The following CWF19L2 variants were observed in gnomAD, a reference collection of about 807,000 sequenced individuals.
CWF19L2 encodes the protein CWF19 like cell cycle control factor 2, also known as CWF19-like protein 2.
Under a neutral mutation model 111.7 loss-of-function variants are expected in CWF19L2, and 98 were observed. The ratio of observed to expected loss-of-function variants is 0.88; its 90% CI spans 0.75 to 1.04. The LOEUF (loss-of-function observed/expected upper bound fraction) is 1.04, where lower values mean the gene tolerates loss of function less well. Among genes scored for constraint, CWF19L2 ranks in the 50% least tolerant of loss-of-function variants. The pLI is 0.00. For missense variants in CWF19L2, 1,101 were observed against 1,051.4 expected (o/e 1.05, Z -0.65); for synonymous variants, 351 against 342.9 (o/e 1.02, Z -0.26).
At chr11:107,343,410 T>C (rs900289763) in intron 14 of CWF19L2, among the ~76,000 whole-genome samples, 1 of 152,148 alleles carries the variant, frequency 6.6e-6, no homozygotes, top group African/African-American at 2.4e-5. Flanking sequence ...GTCTACTTTA[T>C]CTGGCATAAA....
intron 8 of CWF19L2, among the ~76,000 whole-genome samples, chr11:107,421,706 C>T (rs2135402243): frequency 6.6e-6 from 1 of 152,168 alleles, no homozygotes; most frequent in Middle Eastern, 3.4e-3. Context: ...CTGACCATTC[C>T]AAGTTTTTAC....
At chr11:107,339,947 C>T (rs559301066) in intron 14 of CWF19L2, among the ~76,000 whole-genome samples, 44 of 152,048 alleles carry the variant, frequency 2.9e-4, no homozygotes, top group East Asian at 3.9e-4. Flanking sequence ...AGATTACAGG[C>T]GTGAGGCACT....
rs373341277 is a variant in CWF19L2, at chr11:107,351,658, G to T, written c.2085+1866C>A. ...ATAGTAGATTGCATAAAGGCATCCA[G>T]TTATTTACTACTCCATATACTGAAA... On this transcript the variant is annotated intron_variant, in intron 13 of 17. Coordinates refer to ENST00000282251, the MANE Select transcript of CWF19L2 (RefSeq NM_152434.3). Among the ~76,000 whole-genome samples, 3 of 152,154 alleles carry T rather than the reference G, an allele frequency of 2.0e-5. No individual in the cohort carries two copies. The East Asian group carries it at 5.8e-4, about 29-fold the overall frequency.
At chr11:107,381,345 G>A (rs762978712) in intron 12 of CWF19L2, among the ~76,000 whole-genome samples, 1 of 152,108 alleles carries the variant, frequency 6.6e-6, no homozygotes, top group Non-Finnish European at 1.5e-5. Flanking sequence ...TCACCTATAG[G>A]TGAGGTTCAG....
intron 12 of CWF19L2, among the ~76,000 whole-genome samples, chr11:107,373,097 C>A (rs1169440005): frequency 1.4e-5 from 1 of 73,038 alleles, no homozygotes; most frequent in African/African-American, 8.7e-5. Context: ...GAGATTATAT[C>A]CCGCACCTGG....
chr11:107,404,195 G>A, intron 10 of CWF19L2: 1 of 776,638 alleles, frequency 1.3e-6, no homozygotes, highest in South Asian at 1.3e-5. Flanking sequence ...GGGGAATTAT[G>A]ATAGACCTTC....
chr11:107,390,179 T>A lies in CWF19L2; in HGVS notation c.1767A>T (p.Arg589Ser). Residue 589 changes from arginine to serine, a missense_variant, in exon 12 of 18, where the codon AGA becomes AGT. By Grantham distance (110) the Arg-to-Ser change is moderately radical. Coordinates refer to ENST00000282251, the MANE Select transcript of CWF19L2 (RefSeq NM_152434.3). The part of the protein sequence containing the change: ...VSTHEERERV[R>S]YFHDDDNLSL... Reference sequence around the variant, plus strand: ...TTAGATTATCATCATCATGAAAGTATCTGACCCTTTCTCTTTCCTCATGGG... The same window carrying A: ...TTAGATTATCATCATCATGAAAGTAACTGACCCTTTCTCTTTCCTCATGGG... 6.2e-7 allele frequency: 1 copy of A among 1,610,610 alleles called. No homozygotes were observed. Among genetic ancestry groups the A allele is most frequent in the East Asian group, 2.2e-5 (1 of 44,744 alleles).
In CWF19L2 at chr11:107,389,972, A is replaced by T. The variant is rs1030170923; in HGVS notation, c.1872+102T>A. ...ACAAAGGATTTAATTTAATAAAATG[A>T]ATCAAGATTAGAGAGAACCAGATCT... On this transcript the variant is annotated intron_variant, in intron 12 of 17. Coordinates refer to ENST00000282251, the MANE Select transcript of CWF19L2 (RefSeq NM_152434.3). 1.9e-5 allele frequency: 18 copies of T among 968,404 alleles called. No homozygotes were observed. The Admixed American group carries it at 3.8e-4, about 21-fold the overall frequency. 60.0% of individuals were successfully genotyped at this position (968,404 alleles called of 1,614,324 possible). A position where few individuals can be genotyped will look rare whatever the true frequency, so the allele number is the denominator to read the frequency against.
chr11:107,408,516 C>T (rs983289902), intron 10 of CWF19L2, among the ~76,000 whole-genome samples: 1 of 151,926 alleles, frequency 6.6e-6, no homozygotes, highest in African/African-American at 2.4e-5. Context: ...ATTCTGCATG[C>T]TAATACTAGT....
chr11:107,384,383 A>T (rs1860735000), intron 12 of CWF19L2, among the ~76,000 whole-genome samples: 1 of 152,244 alleles, frequency 6.6e-6, no homozygotes, highest in Non-Finnish European at 1.5e-5. Flanking sequence ...TAATACATAT[A>T]GCCTGAAGGT....
At chr11:107,361,525 T>G (rs999252720) in intron 12 of CWF19L2, among the ~76,000 whole-genome samples, 2 of 152,234 alleles carry the variant, frequency 1.3e-5, no homozygotes, top group African/African-American at 2.4e-5. Flanking sequence ...GCTGTTGGTA[T>G]GTTGATAGAG....
intron 14 of CWF19L2, among the ~76,000 whole-genome samples, chr11:107,343,662 C>T (rs1046677976): frequency 2.6e-5 from 4 of 151,326 alleles, no homozygotes; most frequent in Non-Finnish European, 5.9e-5. Flanking sequence ...TCTTGCCTTC[C>T]GATGGTTATT....
At chr11:107,343,304 T>C (rs1442548540) in intron 14 of CWF19L2, among the ~76,000 whole-genome samples, 1 of 152,148 alleles carries the variant, frequency 6.6e-6, no homozygotes, top group African/African-American at 2.4e-5. Flanking sequence ...AGTGTTGGTG[T>C]ACACACATTT....
At chr11:107,454,676 ATC>A in intron 2 of CWF19L2, 104 bp from the exon 3 acceptor site, 1 of 751,322 alleles carries the variant, frequency 1.3e-6, no homozygotes, top group Non-Finnish European at 1.8e-6. Flanking sequence ...AAAACTTTCA[ATC>A]TCTGATGAAA....
At chr11:107,435,973 G>A (rs1225866302) in intron 6 of CWF19L2, among the ~76,000 whole-genome samples, 1 of 151,996 alleles carries the variant, frequency 6.6e-6, no homozygotes, top group Non-Finnish European at 1.5e-5. Context: ...GGCCAACATG[G>A]TGAAACCCTG....
chr11:107,429,064 T>A lies in CWF19L2; in HGVS notation c.1168A>T (p.Ser390Cys), dbSNP rs1251991710. The change falls in exon 8 of 18, where the codon AGT becomes TGT. Residue 390 changes from serine to cysteine, a missense_variant. Physicochemically the swap from Ser to Cys is moderately radical, Grantham distance 112 (BLOSUM62 -1). Coordinates refer to ENST00000282251, the MANE Select transcript of CWF19L2 (RefSeq NM_152434.3). ...TGAGCTACCAATGCTGAAGATGAAC[T>A]AAGTGGTTCAAATTTTCTGCCCTTG... ...HSKGRKFEPL[S>C]SSSALVAQGS... 6 of 1,613,866 alleles carry A rather than the reference T, an allele frequency of 3.7e-6. No individual in the cohort carries two copies. The highest frequency in any genetic ancestry group is 5.1e-6 in the Non-Finnish European group (6 of 1,179,828).
At chr11:107,444,495 T>C (rs1051745653) in intron 3 of CWF19L2, among the ~76,000 whole-genome samples, 5 of 152,246 alleles carry the variant, frequency 3.3e-5, no homozygotes, top group Admixed American at 2.0e-4. Context: ...GCTTAGCCCT[T>C]AAATATCTTG....
intron 12 of CWF19L2, among the ~76,000 whole-genome samples, chr11:107,388,290 C>T (rs903074748): frequency 2.4e-4 from 37 of 152,192 alleles, no homozygotes; most frequent in African/African-American, 8.4e-4. Context: ...AGGGCACAAA[C>T]TTTGACTTAA....
At chr11:107,387,017 G>A (rs188531302) in intron 12 of CWF19L2, among the ~76,000 whole-genome samples, 13 of 151,130 alleles carry the variant, frequency 8.6e-5, no homozygotes, top group African/African-American at 2.9e-4. Context: ...TTGAGCCACT[G>A]CACTCCAGCC....
Sources: gnomAD v4.1 joint callset for allele counts (sites outside exome capture counted in the v4.1 genomes callset) on GRCh38, gnomAD v4.1.1 for gene constraint, MANE v1.5 for transcripts, NCBI Gene and HGNC (gene_info 2026-07-23, HGNC 2026-07-21) for gene names.